The following HPS1 variants were observed in gnomAD, a reference collection of about 807,000 sequenced individuals.
The protein encoded by HPS1 is BLOC-3 complex member HPS1.
Under a neutral mutation model 90.6 loss-of-function variants are expected in HPS1, and 59 were observed. The observed-to-expected ratio is 0.65, with a 90% CI of 0.53 to 0.81. The LOEUF (loss-of-function observed/expected upper bound fraction) is 0.81. Among genes scored for constraint, HPS1 ranks in the 30% least tolerant of loss-of-function variants. The pLI, the probability that HPS1 is intolerant of heterozygous loss-of-function variation, is 0.00. For missense variants in HPS1, 849 were observed against 896.7 expected (o/e 0.95, Z 0.68); for synonymous variants, 388 against 384.4 (o/e 1.01, Z -0.11).
At position 98,435,668 on chromosome 10, in the gene HPS1, C is replaced by T. The variant is rs1016660490; in HGVS notation, c.222G>A (p.Thr74=). The T allele has an allele frequency of 4.3e-6, 7 of 1,614,162 alleles. No individual in the cohort carries two copies. The highest frequency in any genetic ancestry group is 1.1e-5 in the South Asian group (1 of 91,072). The stretch of plus-strand genomic sequence containing the variant: ...GGACATACAGGAAGTTGCCATTTTC[C>T]GTGGAGAAGCAGGTGTAGGTGTCCG... The part of the protein sequence containing the change: ...KLSDTYTCFS[T]ENGNFLYVLH... The change falls in exon 4 of 20, where the codon ACG becomes ACA. Residue 74 remains threonine (T), a synonymous_variant. Coordinates refer to ENST00000361490, the MANE Select transcript of HPS1 (RefSeq NM_000195.5). The surrounding 1 kb of genome is among the most constrained non-coding windows in gnomAD (Gnocchi z 4.3).
rs74154475 is a variant in HPS1, at chr10:98,429,810, C to T, written c.848G>A (p.Gly283Glu). ...AWSPHSTGPT[G>E]GSSAETETDS... ...ACACACCGTCTCTGCAGAGCTCCCC[C>T]CAGTTGGGCCCGTGGAGTGAGGGCT... is the stretch of plus-strand genomic sequence containing the variant. Residue 283 changes from glycine to glutamate, a missense_variant, in exon 9 of 20, where the codon GGG becomes GAG. Gly to Glu is a moderately conservative substitution (Grantham distance 98). Coordinates refer to ENST00000361490, the MANE Select transcript of HPS1 (RefSeq NM_000195.5). 1.2e-6 allele frequency: 2 copies of T among 1,613,832 alleles called. No homozygotes were observed. The highest frequency in any genetic ancestry group is 1.3e-5 in the African/African-American group (1 of 75,060).
intron 3 of HPS1, chr10:98,442,751 G>A: frequency 3.3e-6 from 1 of 306,920 alleles, no homozygotes; most frequent in Non-Finnish European, 6.4e-6. Flanking sequence ...CAAGCAACTG[G>A]CCCACCTTGG....
chr10:98,425,886 G>A lies in HPS1; in HGVS notation c.1087C>T (p.Pro363Ser), dbSNP rs201286427. The stretch of plus-strand genomic sequence containing the variant: ...CAGTACATGGTGTGGGGCACTAGGG[G>A]GCAGTAGCTTTCCTTCACGTTGGCA... ...LDANVKESYC[P>S]LVPHTMYCLP... The change falls in exon 12 of 20, where the codon CCC (proline) becomes TCC (serine). Residue 363 changes from proline (P) to serine (S), a missense_variant. Transcript: ENST00000361490. 1.2e-6 allele frequency: 2 copies of A among 1,614,158 alleles called. No homozygotes were observed. The highest frequency in any genetic ancestry group is 1.3e-5 in the African/African-American group (1 of 75,060).
At position 98,417,537 on chromosome 10, in the gene HPS1, G is replaced by A. The variant is rs1844250719; in HGVS notation, c.*27C>T. The A allele has an allele frequency of 1.9e-6, 3 of 1,598,310 alleles. No homozygotes were observed. Among genetic ancestry groups the A allele is most frequent in the East Asian group, 2.2e-5 (1 of 44,590 alleles). ...AGCAAGGGTGGCTGGAGGACAGGATGCAAAGGCAGACTGCGGCCACCTTGG... is the reference window on the plus strand; with the variant it reads ...AGCAAGGGTGGCTGGAGGACAGGATACAAAGGCAGACTGCGGCCACCTTGG... On this transcript the variant is annotated 3_prime_UTR_variant, in exon 20 of 20. Transcript: ENST00000361490. This position sits in a 1 kb window ranked among gnomAD's most constrained non-coding sequence, Gnocchi z 4.2.
intron 13 of HPS1, 33 bp from the exon 14 acceptor site, chr10:98,424,407 C>G: frequency 6.3e-7 from 1 of 1,593,376 alleles, no homozygotes; most frequent in Non-Finnish European, 8.6e-7. Context: ...GTTTGCATCC[C>G]GACCATATTT....
Position 98,425,856 on chromosome 10 carries a change from G to C in HPS1, c.1117C>G (p.Pro373Ala). 6.2e-7 allele frequency: 1 copy of C among 1,614,104 alleles called. No homozygotes were observed. The highest frequency in any genetic ancestry group is 1.1e-5 in the South Asian group (1 of 91,090). ...PLVPHTMYCL[P>A]LWQGINLVLL... ...ACCAGGTTGATGCCCTGCCACAGGG[G>C]CAGGCAGTACATGGTGTGGGGCACT... Residue 373 changes from proline (P) to alanine (A), a missense_variant, in exon 12 of 20, where the codon CCC (proline) becomes GCC (alanine). Pro to Ala is a conservative substitution (Grantham distance 27, BLOSUM62 -1). Coordinates refer to ENST00000361490, the MANE Select transcript of HPS1 (RefSeq NM_000195.5).
chr10:98,418,103 C>A lies in HPS1; in HGVS notation c.1940+72G>T. 3.0e-6 allele frequency: 3 copies of A among 1,004,860 alleles called. No individual in the cohort carries two copies. The South Asian group carries it at 4.4e-5, about 15-fold the overall frequency. The allele number at this position is 1,004,860 out of a possible 1,614,324, so 62.2% of individuals were successfully genotyped here. A position where few individuals can be genotyped will look rare whatever the true frequency, so the allele number is the denominator to read the frequency against. ...TAGGGCACTGCTGAAGCAGAAGCTG[C>A]TCCCGGCAGAGGCGAGCACTTATCA... On this transcript the variant is annotated intron_variant, in intron 19 of 19. Coordinates refer to ENST00000361490, the MANE Select transcript of HPS1 (RefSeq NM_000195.5).
intron 6 of HPS1, 131 bp from the exon 7 acceptor site, chr10:98,431,422 G>A: frequency 2.0e-6 from 2 of 1,002,834 alleles, no homozygotes; most frequent in Non-Finnish European, 3.0e-6. Flanking sequence ...TGGAAACAGG[G>A]GGACTAAGAC....
At chr10:98,438,887 C>T in intron 3 of HPS1, among the ~76,000 whole-genome samples, 1 of 152,196 alleles carries the variant, frequency 6.6e-6, no homozygotes, top group East Asian at 1.9e-4. Flanking sequence ...AAAACTGTTT[C>T]AGGGGTTGGG....
intron 8 of HPS1, among the ~76,000 whole-genome samples, chr10:98,430,218 C>G (rs140427718): frequency 1.1e-3 from 162 of 152,328 alleles, no homozygotes; most frequent in African/African-American, 3.7e-3. Flanking sequence ...CCCCTTTTGT[C>G]CCTCCAAATA....
intron 17 of HPS1, among the ~76,000 whole-genome samples, chr10:98,420,647 T>G (rs1844730340): frequency 6.6e-6 from 1 of 151,948 alleles, no homozygotes; most frequent in Non-Finnish European, 1.5e-5. Flanking sequence ...GCCCAGGAGG[T>G]CGAGGCTGCA....
chr10:98,427,250 G>C lies in HPS1; in HGVS notation c.952C>G (p.Leu318Val), dbSNP rs201808262. ...TCCATGGGGGGGGTGCCCCCCTCCA[G>C]CCAGATGGTGCTACCTGCAGGCCAC... Reference protein sequence around the residue: ...GDQSSGSTIWLEGGTPPMDAL... With the variant: ...GDQSSGSTIWVEGGTPPMDAL... Residue 318 changes from leucine to valine, a missense_variant, in exon 11 of 20, where the codon CTG (leucine) becomes GTG (valine). Coordinates refer to ENST00000361490, the MANE Select transcript of HPS1 (RefSeq NM_000195.5). 593 of 1,551,270 alleles carry C rather than the reference G, an allele frequency of 3.8e-4. 3 individuals are homozygous for C. In the East Asian group the frequency reaches 9.5e-3, roughly 25 times the overall value.
intron 18 of HPS1, 86 bp downstream of exon 18, chr10:98,419,959 C>T (rs1193352419): frequency 2.1e-6 from 2 of 932,702 alleles, no homozygotes; most frequent in Non-Finnish European, 3.6e-6. Context: ...GACAGACAGA[C>T]AACAATTCAG....
At chr10:98,443,513 C>G (rs1938832786) in intron 2 of HPS1, among the ~76,000 whole-genome samples, 1 of 152,232 alleles carries the variant, frequency 6.6e-6, no homozygotes, top group Non-Finnish European at 1.5e-5. Flanking sequence ...AAGGCTGGGG[C>G]CCTTTCCTCT....
rs10636671 is a variant in HPS1, at chr10:98,423,279, A to ACCC, written c.1598+321_1598+323dup. On this transcript the variant is annotated intron_variant, in intron 16 of 19. Coordinates refer to ENST00000361490, the MANE Select transcript of HPS1 (RefSeq NM_000195.5). ...CTTTCAACCAAACTAGACCACAGGA[A>ACCC]CCCCCCCCCCGGTCCCCACCCCTCG... Among the ~76,000 whole-genome samples, 483 of 131,992 alleles carry ACCC rather than the reference A, an allele frequency of 3.7e-3. 2 individuals are homozygous for ACCC. Among genetic ancestry groups the ACCC allele is most frequent in the African/African-American group, 0.013 (447 of 33,328 alleles). 86.6% of individuals were successfully genotyped at this position (131,992 alleles called of 152,430 possible). A position where few individuals can be genotyped will look rare whatever the true frequency, so the allele number is the denominator to read the frequency against.
intron 10 of HPS1, among the ~76,000 whole-genome samples, chr10:98,428,073 C>G (rs147387999): frequency 6.6e-6 from 1 of 152,278 alleles, no homozygotes; most frequent in East Asian, 1.9e-4. Context: ...AGAGGAACTT[C>G]GGAGATTACC....
chr10:98,421,869 C>A (rs953208180), intron 17 of HPS1, among the ~76,000 whole-genome samples: 1 of 152,054 alleles, frequency 6.6e-6, no homozygotes, highest in African/African-American at 2.4e-5. Flanking sequence ...CGGGGCTGGG[C>A]TTCCAACACA....
chr10:98,415,131 G>C, downstream of HPS1: 1 of 1,612,776 alleles, frequency 6.2e-7, no homozygotes, highest in Non-Finnish European at 8.5e-7. Context: ...GCCACTTGCA[G>C]CCATTTCTGC....
At position 98,434,044 on chromosome 10, in the gene HPS1, A is replaced by C. The variant is rs1846928698; in HGVS notation, c.446T>G (p.Phe149Cys). Residue 149 changes from phenylalanine to cysteine, a missense_variant, in exon 6 of 20, where the codon TTC (phenylalanine) becomes TGC (cysteine). Physicochemically the swap from Phe to Cys is radical, Grantham distance 205. Coordinates refer to ENST00000361490, the MANE Select transcript of HPS1 (RefSeq NM_000195.5). ...GCTGTAGGTCCACAGCAGGCTCTGG[A>C]AGTGCTCCCACAGCTGGACACGCTG... Reference protein sequence around the residue: ...LAQRVQLWEHFQSLLWTYSRL... With the variant: ...LAQRVQLWEHCQSLLWTYSRL... The C allele has an allele frequency of 2.6e-6, 4 of 1,554,828 alleles. No homozygotes were observed. The highest frequency in any genetic ancestry group is 3.5e-6 in the Non-Finnish European group (4 of 1,149,094).
Sources: gnomAD v4.1 joint callset for allele counts (sites outside exome capture counted in the v4.1 genomes callset) on GRCh38, gnomAD v4.1.1 for gene constraint, Gnocchi (gnomAD v3.1) non-coding constraint, MANE v1.5 for transcripts, NCBI Gene and HGNC (gene_info 2026-07-23, HGNC 2026-07-21) for gene names.